EPHB2: variants seen among roughly 807,000 people sequenced by gnomAD.
EPHB2 encodes the protein ephrin type-B receptor 2.
EPHB2 carries 18 observed loss-of-function variants against 96.4 expected under a neutral mutation model. The ratio of observed to expected loss-of-function variants is 0.19; its 90% CI spans 0.13 to 0.28. EPHB2 has a LOEUF of 0.28. Among genes scored for constraint, EPHB2 ranks in the 10% least tolerant of loss-of-function variants. The probability of loss-of-function intolerance (pLI) is 1.00; values close to 1 mark genes in which losing one functional copy is unlikely to be tolerated. For synonymous variants in EPHB2, 506 were observed against 534.1 expected (o/e 0.95, Z 0.72); for missense variants, 989 against 1,355.4 (o/e 0.73, Z 4.25).
intron 1 of EPHB2, among the ~76,000 whole-genome samples, chr1:22,721,116 C>A (rs184943171): frequency 1.8e-4 from 28 of 152,114 alleles, no homozygotes; most frequent in African/African-American, 6.8e-4. Flanking sequence ...CAGAGGTCAT[C>A]GCAGGAGTGG....
chr1:22,877,133 C>T (rs1305457808), intron 5 of EPHB2, among the ~76,000 whole-genome samples: 2 of 152,196 alleles, frequency 1.3e-5, no homozygotes, highest in Non-Finnish European at 1.5e-5. Context: ...GTTTCCAGAA[C>T]TCCCTGGTCA....
At chr1:22,859,158 C>G (rs1034958689) in intron 3 of EPHB2, among the ~76,000 whole-genome samples, 1 of 152,000 alleles carries the variant, frequency 6.6e-6, no homozygotes, top group African/African-American at 2.4e-5. Context: ...TAAAATAGAC[C>G]CTGCCAGGGG....
At chr1:22,741,991 T>C (rs558554769) in intron 1 of EPHB2, among the ~76,000 whole-genome samples, 1 of 152,104 alleles carries the variant, frequency 6.6e-6, no homozygotes, top group Admixed American at 6.5e-5. Flanking sequence ...TTCTGCACCA[T>C]TTTATTTTAC....
At chr1:22,890,026 A>T (rs1639342563) in intron 6 of EPHB2, among the ~76,000 whole-genome samples, 1 of 152,150 alleles carries the variant, frequency 6.6e-6, no homozygotes, top group Non-Finnish European at 1.5e-5. Context: ...CCTAGGAAAC[A>T]TTAGGGATGT....
intron 1 of EPHB2, among the ~76,000 whole-genome samples, chr1:22,756,851 T>C (rs1011397225): frequency 1.3e-5 from 2 of 152,144 alleles, no homozygotes; most frequent in Non-Finnish European, 2.9e-5. Flanking sequence ...TGTACCCGGG[T>C]CAGAAGATGT....
intron 1 of EPHB2, among the ~76,000 whole-genome samples, chr1:22,741,696 A>AAAATAAC (rs55743842): frequency 7.3e-6 from 1 of 137,300 alleles, no homozygotes; most frequent in Non-Finnish European, 1.6e-5. Context: ...AAACAAAAAA[A>AAAATAAC]CAAAAAACCT....
At chr1:22,871,338 C>T (rs180810483) in intron 5 of EPHB2, among the ~76,000 whole-genome samples, 1 of 152,166 alleles carries the variant, frequency 6.6e-6, no homozygotes, top group Admixed American at 6.5e-5. Context: ...GCCTTTGAGG[C>T]CCCCTGTAAT....
At chr1:22,819,016 G>T (rs1203804741) in intron 3 of EPHB2, among the ~76,000 whole-genome samples, 5 of 146,568 alleles carry the variant, frequency 3.4e-5, no homozygotes, top group Non-Finnish European at 7.4e-5. Context: ...CTTACTTCCT[G>T]GCTCACTGGG....
chr1:22,714,213 G>A (rs1218860287), intron 1 of EPHB2, among the ~76,000 whole-genome samples: 1 of 152,174 alleles, frequency 6.6e-6, no homozygotes, highest in Non-Finnish European at 1.5e-5. Flanking sequence ...ACTTCCCAGA[G>A]GAGGCTGTGA....
At chr1:22,863,751 G>T (rs986202646) in intron 4 of EPHB2, among the ~76,000 whole-genome samples, 1 of 152,184 alleles carries the variant, frequency 6.6e-6, no homozygotes, top group Non-Finnish European at 1.5e-5. Context: ...TGGCCTTTGG[G>T]GCCTGGCTCT....
chr1:22,718,331 T>C (rs886467490), intron 1 of EPHB2, among the ~76,000 whole-genome samples: 3 of 150,878 alleles, frequency 2.0e-5, no homozygotes, highest in East Asian at 2.0e-4. Context: ...GCCCAGTGCC[T>C]GCCAGGCACC....
intron 5 of EPHB2, among the ~76,000 whole-genome samples, chr1:22,876,463 T>G (rs924442073): frequency 6.6e-6 from 1 of 152,080 alleles, no homozygotes. Context: ...AGGAAGGGGC[T>G]GAACTCCCCT....
intron 3 of EPHB2, among the ~76,000 whole-genome samples, chr1:22,820,350 A>T (rs1645135548): frequency 6.6e-6 from 1 of 152,196 alleles, no homozygotes; most frequent in African/African-American, 2.4e-5. Context: ...GAGAATAATA[A>T]TAATGATAGC....
intron 1 of EPHB2, among the ~76,000 whole-genome samples, chr1:22,758,941 A>G (rs1311842415): frequency 3.3e-5 from 5 of 150,432 alleles, no homozygotes; most frequent in Non-Finnish European, 7.4e-5. Context: ...GGGTGGATGA[A>G]TGGATGGATG....
At chr1:22,750,836 A>G (rs568284964) in intron 1 of EPHB2, among the ~76,000 whole-genome samples, 16 of 152,222 alleles carry the variant, frequency 1.1e-4, no homozygotes, top group Non-Finnish European at 2.4e-4. Flanking sequence ...CCAGATGAGT[A>G]AGCTGATACA....
intron 9 of EPHB2, among the ~76,000 whole-genome samples, chr1:22,898,118 C>CA (rs61075593): frequency 0.17 from 10,556 of 62,930 alleles, 818 homozygotes; most frequent in African/African-American, 0.26. Context: ...GACCCAGTCT[C>CA]AAAAAAAAAA....
chr1:22,851,235 C>T (rs1645621630), intron 3 of EPHB2, among the ~76,000 whole-genome samples: 1 of 152,154 alleles, frequency 6.6e-6, no homozygotes, highest in Non-Finnish European at 1.5e-5. Context: ...TCAGCTCAAG[C>T]GATCCTCCCG....
intron 2 of EPHB2, among the ~76,000 whole-genome samples, chr1:22,783,606 G>T (rs893963): frequency 6.6e-6 from 1 of 152,244 alleles, no homozygotes; most frequent in Non-Finnish European, 1.5e-5. Context: ...AAAAGACTCA[G>T]CAGTGGGAAG....
At chr1:22,804,446 G>C (rs1017980166) in intron 3 of EPHB2, among the ~76,000 whole-genome samples, 1 of 152,178 alleles carries the variant, frequency 6.6e-6, no homozygotes, top group East Asian at 1.9e-4. Flanking sequence ...TGCAGAGGGT[G>C]TGTGAAGCCA....
Sources: gnomAD v4.1 joint callset for allele counts (sites outside exome capture counted in the v4.1 genomes callset) on GRCh38, gnomAD v4.1.1 for gene constraint, MANE v1.5 for transcripts, NCBI Gene and HGNC (gene_info 2026-07-23, HGNC 2026-07-21) for gene names.